DDHD1: variants seen among roughly 807,000 people sequenced by gnomAD.
DDHD1 encodes the protein phospholipase DDHD1.
DDHD1 carries 49 observed loss-of-function variants against 96.4 expected under a neutral mutation model. The observed-to-expected ratio is 0.51, with a 90% confidence interval of 0.40 to 0.64. DDHD1 has a LOEUF of 0.64. Ranked by LOEUF, DDHD1 falls within the 30% of genes least tolerant of loss-of-function variation. The pLI is 0.00. For missense variants in DDHD1, 1,106 were observed against 1,161.2 expected (o/e 0.95, Z 0.69); for synonymous variants, 442 against 446.5 (o/e 0.99, Z 0.13).
At chr14:53,054,398 A>G in intron 11 of DDHD1, 40 bp downstream of exon 11, 1 of 1,574,318 alleles carries the variant, frequency 6.4e-7, no homozygotes, top group Non-Finnish European at 8.7e-7. Flanking sequence ...AGTTTTAAAA[A>G]GATACAGTAT....
At position 53,072,670 on chromosome 14, in the gene DDHD1, C is replaced by T; in HGVS notation, c.1430G>A (p.Arg477Gln). 1 of 1,609,960 alleles carries T rather than the reference C, an allele frequency of 6.2e-7. No homozygotes were observed. Among genetic ancestry groups the T allele is most frequent in the African/African-American group, 1.3e-5 (1 of 74,872 alleles). ...GCTGTTCAGCATATCCCTTAAACCT[C>T]GTACTTTGTCAGGAGTAATGGAATC... ...TVDSITPDKV[R>Q]GLRDMLNSSA... The change falls in exon 6 of 13, where the codon CGA becomes CAA. Residue 477 changes from arginine (R) to glutamine (Q), a missense_variant. Physicochemically the swap from Arg to Gln is conservative, Grantham distance 43 (BLOSUM62 1). This residue lies in a region of DDHD1 where 650 missense variants were observed against 758.8 expected (regional missense o/e 0.86). Transcript: ENST00000673822.
intron 4 of DDHD1, among the ~76,000 whole-genome samples, chr14:53,075,262 G>A (rs1884858746): frequency 6.6e-6 from 1 of 152,124 alleles, no homozygotes; most frequent in African/African-American, 2.4e-5. Flanking sequence ...GTGAATGCAA[G>A]GGAAAAGTTC....
chr14:53,047,086 A>G (rs1028297222), intron 12 of DDHD1, 137 bp from the exon 13 acceptor site: 3 of 609,612 alleles, frequency 4.9e-6, no homozygotes, highest in Non-Finnish European at 7.7e-6. Context: ...ACTTTCCATT[A>G]TCATCTTAAG....
intron 5 of DDHD1, among the ~76,000 whole-genome samples, chr14:53,073,106 T>A (rs1595123610): frequency 6.6e-6 from 1 of 152,164 alleles, no homozygotes; most frequent in East Asian, 1.9e-4. Context: ...ATTTTGCAGA[T>A]TATGTAAATA....
intron 4 of DDHD1, among the ~76,000 whole-genome samples, chr14:53,083,994 C>T (rs1214360045): frequency 6.6e-6 from 1 of 152,074 alleles, no homozygotes; most frequent in Non-Finnish European, 1.5e-5. Flanking sequence ...CTAGCTCTTC[C>T]TATAGTTAAG....
At chr14:53,054,821 G>A (rs1882901518) in intron 10 of DDHD1, among the ~76,000 whole-genome samples, 192 bp from the exon 11 acceptor site, 1 of 152,162 alleles carries the variant, frequency 6.6e-6, no homozygotes, top group East Asian at 1.9e-4. Flanking sequence ...AATGAGAGTT[G>A]TATAAGCTCT....
intron 4 of DDHD1, 123 bp downstream of exon 4, chr14:53,091,662 T>TATTA: frequency 9.9e-7 from 1 of 1,011,446 alleles, no homozygotes; most frequent in South Asian, 1.9e-5. Context: ...ACTTAAGAGG[T>TATTA]ATTAGAATAG....
At chr14:53,099,937 T>G (rs572294445) in intron 2 of DDHD1, among the ~76,000 whole-genome samples, 4 of 152,094 alleles carry the variant, frequency 2.6e-5, no homozygotes, top group African/African-American at 9.6e-5. Flanking sequence ...AATTTTCATG[T>G]TTTTTTTAAT....
At chr14:53,142,617 T>G (rs1890716713) in intron 1 of DDHD1, among the ~76,000 whole-genome samples, 1 of 152,224 alleles carries the variant, frequency 6.6e-6, no homozygotes, top group South Asian at 2.1e-4. Context: ...ATCTCTCACA[T>G]TTGGTGACAG....
In DDHD1 at chr14:53,040,480, T is replaced by C. The variant is rs1881572924; in HGVS notation, c.*6288A>G. On this transcript the variant is annotated 3_prime_UTR_variant, in exon 13 of 13. Transcript: ENST00000673822. ...GCTCACTGTAGGGCACAACTACTTG[T>C]TTCGGGTGAGCAAGATAACAAACGG... The C allele has an allele frequency of 2.0e-5, 3 of 152,186 alleles. No homozygotes were observed. The highest frequency in any genetic ancestry group is 2.0e-4 in the Admixed American group (3 of 15,276). 9.4% of individuals were successfully genotyped at this position (152,186 alleles called of 1,614,324 possible).
intron 2 of DDHD1, among the ~76,000 whole-genome samples, chr14:53,094,827 CAG>C (rs1886737980): frequency 7.4e-6 from 1 of 134,802 alleles, no homozygotes; most frequent in African/African-American, 2.8e-5. Context: ...CTGGGCAACA[CAG>C]AGAGATCCTG....
At chr14:53,118,853 AT>A (rs1284356193) in intron 1 of DDHD1, among the ~76,000 whole-genome samples, 8 of 152,140 alleles carry the variant, frequency 5.3e-5, no homozygotes, top group African/African-American at 9.7e-5. Context: ...CCCAAGACAC[AT>A]TAATTGTCAG....
chr14:53,149,931 T>C (rs987840429), intron 1 of DDHD1: 4 of 152,218 alleles, frequency 2.6e-5, no homozygotes, highest in Admixed American at 6.5e-5. Context: ...TACTGTTTGG[T>C]TCCTCATTAC....
chr14:53,074,197 C>T (rs1009362614), intron 4 of DDHD1, among the ~76,000 whole-genome samples: 2 of 151,898 alleles, frequency 1.3e-5, no homozygotes, highest in African/African-American at 4.8e-5. Flanking sequence ...CTTGTTTCAT[C>T]TATTGCTCTC....
chr14:53,141,991 GCTAA>G (rs1257351687), intron 1 of DDHD1, among the ~76,000 whole-genome samples: 1 of 152,010 alleles, frequency 6.6e-6, no homozygotes, highest in African/African-American at 2.4e-5. Flanking sequence ...GCCTGGCTTA[GCTAA>G]CACTTATTGA....
intron 1 of DDHD1, among the ~76,000 whole-genome samples, chr14:53,151,685 T>C (rs976389331): frequency 2.0e-5 from 3 of 152,210 alleles, no homozygotes; most frequent in African/African-American, 7.2e-5. Flanking sequence ...CAGAATCCAG[T>C]ATTCCACCGA....
intron 1 of DDHD1, among the ~76,000 whole-genome samples, chr14:53,133,632 C>T (rs892891175): frequency 6.6e-6 from 1 of 152,164 alleles, no homozygotes; most frequent in Admixed American, 6.5e-5. Context: ...TCGGGCCTGT[C>T]CTCGGGATGC....
At chr14:53,101,470 C>T (rs1887289454) in intron 2 of DDHD1, among the ~76,000 whole-genome samples, 1 of 151,930 alleles carries the variant, frequency 6.6e-6, no homozygotes, top group African/African-American at 2.4e-5. Context: ...ATTATAAAAA[C>T]AAATTTTCTT....
At chr14:53,116,134 TTA>T (rs1888526021) in intron 1 of DDHD1, among the ~76,000 whole-genome samples, 2 of 152,130 alleles carry the variant, frequency 1.3e-5, no homozygotes, top group South Asian at 4.1e-4. Context: ...AAGAAGGACA[TTA>T]CATAATGGTA....
Sources: gnomAD v4.1 joint callset for allele counts (sites outside exome capture counted in the v4.1 genomes callset) on GRCh38, gnomAD v4.1.1 for gene constraint, gnomAD v4.1.1 regional missense constraint, MANE v1.5 for transcripts, NCBI Gene and HGNC (gene_info 2026-07-23, HGNC 2026-07-21) for gene names.